The following PIK3C2G variants were observed in gnomAD, a reference collection of about 807,000 sequenced individuals.
PIK3C2G encodes the protein phosphatidylinositol-4-phosphate 3-kinase catalytic subunit type 2 gamma.
Under a neutral mutation model 181.1 loss-of-function variants are expected in PIK3C2G, and 168 were observed. The ratio of observed to expected loss-of-function variants is 0.93; its 90% confidence interval spans 0.82 to 1.05. The LOEUF is 1.05. PIK3C2G is among the 50% of genes least tolerant of loss of function. The probability of loss-of-function intolerance (pLI) is 0.00; values close to 1 mark genes in which losing one functional copy is unlikely to be tolerated. For synonymous variants in PIK3C2G, 573 were observed against 592.2 expected (o/e 0.97, Z 0.47); for missense variants, 1,869 against 1,732.8 (o/e 1.08, Z -1.40).
Position 18,545,000 on chromosome 12 carries a change from A to G in PIK3C2G, c.3481-1323A>G, listed in dbSNP as rs1446413753. On this transcript the variant is annotated intron_variant, in intron 25 of 32. Transcript: ENST00000538779. ...CCTCATTTTAGTCCATTTTCCATACATAACCACAATGATCTTTCAAGACAC... is the reference window on the plus strand; with the variant it reads ...CCTCATTTTAGTCCATTTTCCATACGTAACCACAATGATCTTTCAAGACAC... Among the ~76,000 whole-genome samples, 3 of 151,828 alleles carry G rather than the reference A, an allele frequency of 2.0e-5. No homozygotes were observed. The East Asian group carries it at 5.8e-4, about 30-fold the overall frequency.
intron 16 of PIK3C2G, among the ~76,000 whole-genome samples, chr12:18,402,936 A>G (rs1398380521): frequency 6.6e-6 from 1 of 152,138 alleles, no homozygotes; most frequent in Non-Finnish European, 1.5e-5. Flanking sequence ...CCTATTTTAC[A>G]TATGAGGAAA....
At chr12:18,707,869 T>C in the PIK3C2G span, among the ~76,000 whole-genome samples, 1 of 152,188 alleles carries the variant, frequency 6.6e-6, no homozygotes, top group Non-Finnish European at 1.5e-5. Flanking sequence ...TTTTGGGTGT[T>C]TTTAAATGCA....
the PIK3C2G span, among the ~76,000 whole-genome samples, chr12:18,653,497 T>C: frequency 6.6e-6 from 1 of 152,202 alleles, no homozygotes; most frequent in African/African-American, 2.4e-5. Context: ...TTACAAGCTC[T>C]AGTAAATTTG....
In PIK3C2G at chr12:18,403,187, T is replaced by C. The variant is rs144213439; in HGVS notation, c.2315+3340T>C. Among the ~76,000 whole-genome samples the C allele has an allele frequency of 6.3e-3, 964 of 152,290 alleles. 11 individuals carry two copies. Among genetic ancestry groups the C allele is most frequent in the African/African-American group, 0.022 (929 of 41,552 alleles). On this transcript the variant is annotated intron_variant, in intron 16 of 32. Transcript: ENST00000538779. Reference sequence around the variant, plus strand: ...AGATGTTTCTACTTCACTGTGTAATTTCTTTTTTTCTGAATAATCAGATTT... The same window carrying C: ...AGATGTTTCTACTTCACTGTGTAATCTCTTTTTTTCTGAATAATCAGATTT...
In PIK3C2G at chr12:18,595,001, A is replaced by G. The variant is rs137889309; in HGVS notation, c.4087+432A>G. ...GTTGAGAACTTTTTTTATTTCTTAC[A>G]TCATAGAATATTCAAGATTTGTTTC... On this transcript the variant is annotated intron_variant, in intron 30 of 32. Transcript: ENST00000538779. Among the ~76,000 whole-genome samples the G allele has an allele frequency of 5.6e-3, 848 of 152,200 alleles. 3 individuals carry two copies. Among genetic ancestry groups the G allele is most frequent in the Middle Eastern group, 0.01 (3 of 294 alleles).
intron 1 of PIK3C2G, among the ~76,000 whole-genome samples, chr12:18,266,197 G>A (rs1268460345): frequency 6.6e-6 from 1 of 151,838 alleles, no homozygotes; most frequent in Non-Finnish European, 1.5e-5. Context: ...TGAATATAAT[G>A]TAAATGTTAT....
At chr12:18,506,273 G>A (rs1216104926) in intron 24 of PIK3C2G, among the ~76,000 whole-genome samples, 1 of 152,172 alleles carries the variant, frequency 6.6e-6, no homozygotes, top group African/African-American at 2.4e-5. Flanking sequence ...GGGGCGGGCA[G>A]TAGGAGGTAA....
intron 16 of PIK3C2G, among the ~76,000 whole-genome samples, chr12:18,412,861 A>C (rs1944945315): frequency 6.6e-6 from 1 of 152,056 alleles, no homozygotes; most frequent in Non-Finnish European, 1.5e-5. Flanking sequence ...TTACCTAAAC[A>C]CTTGGTGCTC....
chr12:18,366,027 C>T (rs1941618390), intron 12 of PIK3C2G, among the ~76,000 whole-genome samples: 1 of 152,162 alleles, frequency 6.6e-6, no homozygotes, highest in African/African-American at 2.4e-5. Flanking sequence ...CTCTATACCA[C>T]AATAGCTTTA....
chr12:18,607,053 C>A (rs2136575938), intron 30 of PIK3C2G: 2 of 369,610 alleles, frequency 5.4e-6, no homozygotes, highest in Non-Finnish European at 1.1e-5. Context: ...AGATTGTAAT[C>A]CCCTAAACAA....
intron 15 of PIK3C2G, among the ~76,000 whole-genome samples, chr12:18,398,429 T>C (rs1219093358): frequency 6.6e-6 from 1 of 152,212 alleles, no homozygotes; most frequent in Non-Finnish European, 1.5e-5. Flanking sequence ...TCCAGTCTTT[T>C]CTTTTTACAG....
intron 29 of PIK3C2G, among the ~76,000 whole-genome samples, chr12:18,580,190 A>G (rs1423252411): frequency 6.6e-6 from 1 of 152,030 alleles, no homozygotes; most frequent in Admixed American, 6.6e-5. Flanking sequence ...GTAATAGCAA[A>G]TGATAGCAGT....
At position 18,398,865 on chromosome 12, in the gene PIK3C2G, A is replaced by G. The variant is rs115747929; in HGVS notation, c.2127-794A>G. On this transcript the variant is annotated intron_variant, in intron 15 of 32. Transcript: ENST00000538779. ...ACAGCAAAGATTTCTTAACTCCGAT[A>G]AAACTTGCTTTAAGATGAAGAAATA... Among the ~76,000 whole-genome samples the G allele has an allele frequency of 9.0e-3, 1,377 of 152,300 alleles. 22 individuals are homozygous for G. Among genetic ancestry groups the G allele is most frequent in the African/African-American group, 0.031 (1,306 of 41,574 alleles).
chr12:18,484,520 A>G (rs1939856279), intron 18 of PIK3C2G, among the ~76,000 whole-genome samples: 1 of 152,216 alleles, frequency 6.6e-6, no homozygotes, highest in South Asian at 2.1e-4. Flanking sequence ...ATTGATAAAC[A>G]CATATTGCAG....
chr12:18,439,734 CTCTG>C (rs1209277034), intron 18 of PIK3C2G, among the ~76,000 whole-genome samples: 1 of 152,014 alleles, frequency 6.6e-6, no homozygotes, highest in African/African-American at 2.4e-5. Context: ...TGTTTTTTTA[CTCTG>C]TCTGCCTCAT....
chr12:18,443,011 A>G (rs1592271597), intron 18 of PIK3C2G, among the ~76,000 whole-genome samples: 1 of 152,042 alleles, frequency 6.6e-6, no homozygotes, highest in East Asian at 1.9e-4. Context: ...AGCTGGGATT[A>G]CAGGCACCCG....
the PIK3C2G span, among the ~76,000 whole-genome samples, chr12:18,710,274 C>A: frequency 6.7e-6 from 1 of 150,128 alleles, no homozygotes; most frequent in African/African-American, 2.5e-5. Context: ...TTTTTTAATT[C>A]ATTTTTCCAC....
Position 18,321,025 on chromosome 12 carries a change from G to A in PIK3C2G, c.1201G>A (p.Val401Ile), listed in dbSNP as rs758460422. 2.2e-5 allele frequency: 33 copies of A among 1,489,570 alleles called. No individual in the cohort carries two copies. The highest frequency in any genetic ancestry group is 2.9e-5 in the Non-Finnish European group (31 of 1,074,562). 92.3% of individuals were successfully genotyped at this position (1,489,570 alleles called of 1,614,324 possible). Residue 401 changes from valine to isoleucine, a missense_variant, in exon 7 of 33, where the codon GTA (valine) becomes ATA (isoleucine). Val to Ile is a conservative substitution (Grantham distance 29, BLOSUM62 3). Transcript: ENST00000538779. Reference sequence around the variant, plus strand: ...TCTAGAATTTATGCATATTTGGAAAGTATCCAGGTAAGATATTTTATATTT... The same window carrying A: ...TCTAGAATTTATGCATATTTGGAAAATATCCAGGTAAGATATTTTATATTT... ...QLLEFMHIWKVSRQCLLTLIR... is the reference protein window; with the variant it reads ...QLLEFMHIWKISRQCLLTLIR...
chr12:18,339,222 T>C (rs1292313695), intron 9 of PIK3C2G, among the ~76,000 whole-genome samples: 1 of 152,152 alleles, frequency 6.6e-6, no homozygotes, highest in Non-Finnish European at 1.5e-5. Context: ...TCATTTATCT[T>C]ATTATTAGTT....
Sources: gnomAD v4.1 joint callset for allele counts (sites outside exome capture counted in the v4.1 genomes callset) on GRCh38, gnomAD v4.1.1 for gene constraint, MANE v1.5 for transcripts, NCBI Gene and HGNC (gene_info 2026-07-23, HGNC 2026-07-21) for gene names.